Variants in OXCT1 observed in about 807,000 individuals in gnomAD.
The protein encoded by OXCT1 is succinyl-CoA:3-ketoacid coenzyme A transferase 1, mitochondrial.
In OXCT1, 27 loss-of-function variants were observed where a neutral mutation model predicts 69.6. That is an observed-to-expected ratio of 0.39 (90% confidence interval 0.29 to 0.54). The LOEUF is 0.54. Ranked by LOEUF, OXCT1 falls within the 20% of genes least tolerant of loss-of-function variation. The probability of loss-of-function intolerance (pLI) is 0.72; values close to 1 mark genes in which losing one functional copy is unlikely to be tolerated. For missense variants in OXCT1, 437 were observed against 650.2 expected (o/e 0.67, Z 3.57); for synonymous variants, 202 against 217.8 (o/e 0.93, Z 0.64).
chr5:41,788,099 A>G (rs1407292738), intron 13 of OXCT1, among the ~76,000 whole-genome samples: 3 of 152,226 alleles, frequency 2.0e-5, no homozygotes, highest in Non-Finnish European at 4.4e-5. Flanking sequence ...AGAATTAACT[A>G]TCACTAAAGA....
At chr5:41,842,073 C>G (rs1283388480) in intron 6 of OXCT1, among the ~76,000 whole-genome samples, 1 of 152,138 alleles carries the variant, frequency 6.6e-6, no homozygotes, top group Non-Finnish European at 1.5e-5. Flanking sequence ...CAAAAAACAA[C>G]TATATAAATC....
At position 41,739,372 on chromosome 5, in the gene OXCT1, G is replaced by T; in HGVS notation, c.1521+18C>A. 1 of 1,492,404 alleles carries T rather than the reference G, an allele frequency of 6.7e-7. No individual in the cohort carries two copies. The highest frequency in any genetic ancestry group is 9.4e-7 in the Non-Finnish European group (1 of 1,068,938). The allele number at this position is 1,492,404 out of a possible 1,614,324, so 92.4% of individuals were successfully genotyped here. ...TAATATAAGACAAGTGTCTGGATTT[G>T]TTCACAGAAATACTTACTGCAAAAT... On this transcript the variant is annotated intron_variant, in intron 16 of 16. Transcript: ENST00000196371.
intron 7 of OXCT1, among the ~76,000 whole-genome samples, chr5:41,821,360 T>C (rs563758835): frequency 5.6e-4 from 85 of 152,300 alleles, no homozygotes; most frequent in South Asian, 4.6e-3. Flanking sequence ...AATTCAACAA[T>C]GGCTCAGAAT....
chr5:41,801,942 T>C (rs201160661), intron 10 of OXCT1, among the ~76,000 whole-genome samples: 1 of 152,014 alleles, frequency 6.6e-6, no homozygotes, highest in Non-Finnish European at 1.5e-5. Flanking sequence ...ATATTGGCTG[T>C]GAAATTTTTA....
intron 15 of OXCT1, among the ~76,000 whole-genome samples, chr5:41,740,952 CTT>C (rs70988866): frequency 7.1e-4 from 96 of 136,168 alleles, no homozygotes; most frequent in African/African-American, 7.8e-4. Flanking sequence ...GGCCTAGAAT[CTT>C]TTTTTTTTTT....
At chr5:41,819,504 G>A (rs1418662181) in intron 7 of OXCT1, among the ~76,000 whole-genome samples, 6 of 152,064 alleles carry the variant, frequency 3.9e-5, no homozygotes, top group African/African-American at 1.4e-4. Flanking sequence ...CTGAGTAGCT[G>A]GGATTACAGG....
At chr5:41,846,851 G>T (rs1283728256) in intron 5 of OXCT1, among the ~76,000 whole-genome samples, 2 of 152,148 alleles carry the variant, frequency 1.3e-5, no homozygotes, top group Non-Finnish European at 2.9e-5. Flanking sequence ...GTATCTCATT[G>T]TGGTTTTGAT....
intron 7 of OXCT1, among the ~76,000 whole-genome samples, chr5:41,820,867 G>A (rs933299315): frequency 6.6e-6 from 1 of 152,102 alleles, no homozygotes; most frequent in Non-Finnish European, 1.5e-5. Flanking sequence ...GCCAAGAAGT[G>A]GAGAGGGATT....
At chr5:41,785,500 T>C (rs1745599503) in intron 13 of OXCT1, among the ~76,000 whole-genome samples, 1 of 152,194 alleles carries the variant, frequency 6.6e-6, no homozygotes, top group African/African-American at 2.4e-5. Flanking sequence ...AGAGCAAAAA[T>C]AATAGCAAAG....
In OXCT1 at chr5:41,735,764, C is replaced by T. The variant is rs116820494; in HGVS notation, c.1521+3626G>A. The stretch of plus-strand genomic sequence containing the variant: ...CTATTCATGTAACTACCCTGACCTC[C>T]GGTGTGTCCCTTATTGATGTAATTA... On this transcript the variant is annotated intron_variant, in intron 16 of 16. Coordinates refer to ENST00000196371, the MANE Select transcript of OXCT1 (RefSeq NM_000436.4). Among the ~76,000 whole-genome samples, 757 of 152,282 alleles carry T rather than the reference C, an allele frequency of 5.0e-3. 7 individuals carry two copies. The highest frequency in any genetic ancestry group is 0.017 in the African/African-American group (708 of 41,550).
chr5:41,866,819 C>A (rs1053112423), intron 1 of OXCT1, among the ~76,000 whole-genome samples: 4 of 152,188 alleles, frequency 2.6e-5, no homozygotes, highest in Non-Finnish European at 1.5e-5. Context: ...TCCGAAGGAG[C>A]ACAGATGAAG....
intron 12 of OXCT1, 164 bp downstream of exon 12, chr5:41,794,513 C>T: frequency 1.5e-6 from 1 of 671,910 alleles, no homozygotes; most frequent in Admixed American, 2.6e-5. Flanking sequence ...TATTCAATGC[C>T]CAACATTCGA....
chr5:41,802,710 G>C (rs1057305908), intron 10 of OXCT1, among the ~76,000 whole-genome samples: 2 of 151,990 alleles, frequency 1.3e-5, no homozygotes, highest in African/African-American at 2.4e-5. Context: ...GAAATCATGA[G>C]GTCTCTCTGA....
chr5:41,763,229 G>A (rs1744431901), intron 13 of OXCT1, among the ~76,000 whole-genome samples: 1 of 152,016 alleles, frequency 6.6e-6, no homozygotes, highest in Admixed American at 6.6e-5. Context: ...TGAATTAGAT[G>A]AGCAGTATGA....
At chr5:41,737,883 A>G (rs866304596) in intron 16 of OXCT1, among the ~76,000 whole-genome samples, 25 of 152,284 alleles carry the variant, frequency 1.6e-4, no homozygotes, top group Middle Eastern at 3.4e-3. Flanking sequence ...GTGAAACCCC[A>G]TCTCTACTAA....
At chr5:41,844,465 T>G (rs1181610518) in intron 5 of OXCT1, among the ~76,000 whole-genome samples, 2 of 152,012 alleles carry the variant, frequency 1.3e-5, no homozygotes, top group Admixed American at 6.6e-5. Context: ...GTTTCTTCTT[T>G]ACTTACTAAT....
In OXCT1 at chr5:41,746,951, T is replaced by C. The variant is rs189970987; in HGVS notation, c.1419+2576A>G. 1.9e-3 allele frequency among the ~76,000 whole-genome samples: 282 copies of C among 152,270 alleles called. 1 individual carries two copies. Among genetic ancestry groups the C allele is most frequent in the Middle Eastern group, 3.4e-3 (1 of 294 alleles). On this transcript the variant is annotated intron_variant, in intron 15 of 16. Transcript: ENST00000196371. ...CTCCTAAATCTCTTTCAAATCTCTC[T>C]ATCTGTCCTATGGTTTAGAATTTTG...
intron 5 of OXCT1, among the ~76,000 whole-genome samples, chr5:41,847,177 T>A (rs369703889): frequency 0.18 from 27,476 of 151,494 alleles, 2,688 homozygotes; most frequent in Middle Eastern, 0.28. Flanking sequence ...CTAGAAAATC[T>A]AGAAGAAATG....
intron 13 of OXCT1, among the ~76,000 whole-genome samples, chr5:41,787,696 C>T (rs144920882): frequency 3.5e-3 from 481 of 137,752 alleles, no homozygotes; most frequent in African/African-American, 0.012. Context: ...AATTCACAAT[C>T]CTACCAAACA....
Sources: gnomAD v4.1 joint callset for allele counts (sites outside exome capture counted in the v4.1 genomes callset) on GRCh38, gnomAD v4.1.1 for gene constraint, MANE v1.5 for transcripts, NCBI Gene and HGNC (gene_info 2026-07-23, HGNC 2026-07-21) for gene names.